Variants in KCNIP4 observed in about 807,000 individuals in gnomAD.
The protein encoded by KCNIP4 is potassium voltage-gated channel interacting protein 4.
Under a neutral mutation model 34.0 loss-of-function variants are expected in KCNIP4, and 12 were observed. That is an observed-to-expected ratio of 0.35 (90% CI 0.23 to 0.57). The LOEUF (loss-of-function observed/expected upper bound fraction) is 0.57. KCNIP4 is among the 20% of genes least tolerant of loss of function. KCNIP4 has a pLI of 0.83. For synonymous variants in KCNIP4, 124 were observed against 102.2 expected (o/e 1.21, Z -1.29); for missense variants, 238 against 311.7 (o/e 0.76, Z 1.78).
intron 1 of KCNIP4, among the ~76,000 whole-genome samples, chr4:21,711,350 T>G (rs1006005995): frequency 2.0e-5 from 3 of 152,136 alleles, no homozygotes; most frequent in African/African-American, 7.2e-5. Flanking sequence ...CATGCACCTA[T>G]AGTCCCAGCT....
intron 1 of KCNIP4, among the ~76,000 whole-genome samples, chr4:21,789,070 C>CAAAAAA (rs35630701): frequency 1.1e-5 from 1 of 93,916 alleles, no homozygotes; most frequent in Non-Finnish European, 2.0e-5. Context: ...GAGATTCTGT[C>CAAAAAA]AAAAAAAAAA....
At chr4:21,464,565 A>C (rs955749291) in intron 1 of KCNIP4, 1 of 152,020 alleles carries the variant, frequency 6.6e-6, no homozygotes, top group Non-Finnish European at 1.5e-5. Flanking sequence ...ACTTTGTATA[A>C]TTTTTTAAAA....
chr4:21,201,600 G>A (rs561883874), intron 1 of KCNIP4, among the ~76,000 whole-genome samples: 8 of 152,276 alleles, frequency 5.3e-5, no homozygotes, highest in Non-Finnish European at 7.4e-5. Context: ...CCAGGTTCAC[G>A]CCATTCTCCT....
At chr4:21,005,481 G>T (rs1738474833) in intron 1 of KCNIP4, among the ~76,000 whole-genome samples, 1 of 152,006 alleles carries the variant, frequency 6.6e-6, no homozygotes, top group South Asian at 2.1e-4. Flanking sequence ...GCTTTAATTG[G>T]CTCAATTCTA....
chr4:21,743,113 T>C (rs1716528684), intron 1 of KCNIP4, among the ~76,000 whole-genome samples: 1 of 152,204 alleles, frequency 6.6e-6, no homozygotes, highest in African/African-American at 2.4e-5. Context: ...TTCCTATTGC[T>C]ACTGTAATGA....
chr4:21,117,489 A>T (rs1370292926), intron 1 of KCNIP4, among the ~76,000 whole-genome samples: 1 of 152,186 alleles, frequency 6.6e-6, no homozygotes, highest in South Asian at 2.1e-4. Flanking sequence ...AAATAAAAAC[A>T]TCAATAACAT....
In KCNIP4 at chr4:20,863,888, A is replaced by T. The variant is rs139497709; in HGVS notation, c.164-13221T>A. On this transcript the variant is annotated intron_variant, in intron 2 of 8. Coordinates refer to ENST00000382152, the MANE Select transcript of KCNIP4 (RefSeq NM_025221.6). ...GGAAGAAAAAGAGCAAAGAACAATC[A>T]CTAATATTTATAGCATTTGTTTTGT... is the stretch of plus-strand genomic sequence containing the variant. Among the ~76,000 whole-genome samples the T allele has an allele frequency of 4.9e-4, 74 of 152,104 alleles. 1 individual carries two copies. Among genetic ancestry groups the T allele is most frequent in the Admixed American group, 4.5e-3 (69 of 15,250 alleles).
At chr4:21,392,550 G>A (rs111279167) in intron 1 of KCNIP4, among the ~76,000 whole-genome samples, 44 of 152,306 alleles carry the variant, frequency 2.9e-4, no homozygotes, top group African/African-American at 9.9e-4. Flanking sequence ...TGGGATTTAC[G>A]AAGCGCTGTG....
At chr4:21,131,464 G>A (rs1404210215) in intron 1 of KCNIP4, among the ~76,000 whole-genome samples, 1 of 152,104 alleles carries the variant, frequency 6.6e-6, no homozygotes, top group Non-Finnish European at 1.5e-5. Flanking sequence ...AAAAAAATTA[G>A]CTGGGCATGC....
chr4:21,614,910 T>C (rs1036321992), intron 1 of KCNIP4, among the ~76,000 whole-genome samples: 2 of 152,168 alleles, frequency 1.3e-5, no homozygotes, highest in East Asian at 3.9e-4. Context: ...TTGGTTTTAC[T>C]GCACATGTGT....
chr4:20,761,690 G>T (rs937714624), intron 3 of KCNIP4, among the ~76,000 whole-genome samples: 5 of 152,136 alleles, frequency 3.3e-5, no homozygotes, highest in Non-Finnish European at 7.4e-5. Context: ...TTTGTTAGCT[G>T]CCTTCAGTCT....
At chr4:21,799,341 G>A (rs903286331) in intron 1 of KCNIP4, among the ~76,000 whole-genome samples, 1 of 152,070 alleles carries the variant, frequency 6.6e-6, no homozygotes, top group African/African-American at 2.4e-5. Context: ...TTGAATCTAG[G>A]TATGGGTAAC....
chr4:20,918,073 CT>C, intron 1 of KCNIP4, among the ~76,000 whole-genome samples: 1 of 152,132 alleles, frequency 6.6e-6, no homozygotes, highest in Non-Finnish European at 1.5e-5. Context: ...AATTTTTCTT[CT>C]TTGTGAATTA....
intron 1 of KCNIP4, among the ~76,000 whole-genome samples, chr4:21,132,087 A>C (rs780929485): frequency 1.3e-5 from 2 of 152,230 alleles, no homozygotes; most frequent in Non-Finnish European, 2.9e-5. Flanking sequence ...TAAGTTTTAA[A>C]ATATTTCAAA....
At position 21,948,572 on chromosome 4, in the gene KCNIP4, G is replaced by T. The variant is rs1409734365; in HGVS notation, c.60C>A (p.Gly20=). The T allele has an allele frequency of 6.2e-7, 1 of 1,612,948 alleles. No individual in the cohort carries two copies. The highest frequency in any genetic ancestry group is 2.2e-5 in the East Asian group (1 of 44,832). ...GCTCGCAAGCTTATTGCATCCTACC[G>T]CCTGTAGAGCTGGCCTCCTCCAGCT... ...SAQLEEASST[G]GFLYAQNSTK... is the part of the protein sequence containing the mutation. The change falls in exon 1 of 9, where the codon GGC becomes GGA. Residue 20 remains glycine (G), a splice_region_variant and synonymous_variant. Coordinates refer to ENST00000382152, the MANE Select transcript of KCNIP4 (RefSeq NM_025221.6).
chr4:21,292,608 T>C (rs1763595826), intron 1 of KCNIP4, among the ~76,000 whole-genome samples: 1 of 152,132 alleles, frequency 6.6e-6, no homozygotes, highest in Non-Finnish European at 1.5e-5. Flanking sequence ...GTAAATTCAC[T>C]TCCCCAGGCT....
intron 1 of KCNIP4, among the ~76,000 whole-genome samples, chr4:21,929,602 T>C (rs931390645): frequency 4.0e-5 from 6 of 151,608 alleles, no homozygotes; most frequent in Non-Finnish European, 7.4e-5. Flanking sequence ...CTTTTCCTGC[T>C]AAACAAAATG....
intron 1 of KCNIP4, among the ~76,000 whole-genome samples, chr4:21,948,190 T>C: frequency 6.6e-6 from 1 of 152,196 alleles, no homozygotes; most frequent in Non-Finnish European, 1.5e-5. Context: ...GGATCAATAC[T>C]ATTTCAGCTC....
rs1172085914 is a variant in KCNIP4 at position 21,015,327 on chromosome 4, TAGAG to T, written c.62-132622_62-132619del. Among the ~76,000 whole-genome samples, 4 of 147,166 alleles carry T rather than the reference TAGAG, an allele frequency of 2.7e-5. No homozygotes were observed. The South Asian group carries it at 8.4e-4, about 31-fold the overall frequency. On this transcript the variant is annotated intron_variant, in intron 1 of 8. Coordinates refer to ENST00000382152, the MANE Select transcript of KCNIP4 (RefSeq NM_025221.6). ...AAAAATGGAGAGACAGAGAGAGAGG[TAGAG>T]AGAGCAGATGAGAAACAATGATACT...
Sources: gnomAD v4.1 joint callset for allele counts (sites outside exome capture counted in the v4.1 genomes callset) on GRCh38, gnomAD v4.1.1 for gene constraint, MANE v1.5 for transcripts, NCBI Gene and HGNC (gene_info 2026-07-23, HGNC 2026-07-21) for gene names.